The following KDELR1 variants were observed in gnomAD, a reference collection of about 807,000 sequenced individuals.
KDELR1 encodes ER lumen protein-retaining receptor 1.
A neutral mutation model predicts 25.5 loss-of-function variants in KDELR1; 16 were observed. The observed-to-expected ratio is 0.63, with a 90% confidence interval of 0.43 to 0.95. The LOEUF (loss-of-function observed/expected upper bound fraction) is 0.95, where lower values mean the gene tolerates loss of function less well. Among genes scored for constraint, KDELR1 ranks in the 40% least tolerant of loss-of-function variants. The probability of loss-of-function intolerance (pLI) is 0.00; values close to 1 mark genes in which losing one functional copy is unlikely to be tolerated. For synonymous variants in KDELR1, 121 were observed against 115.0 expected (o/e 1.05, Z -0.33); for missense variants, 159 against 265.2 (o/e 0.60, Z 2.78).
At chr19:48,389,384 CTGT>C in intron 3 of KDELR1, 166 bp downstream of exon 3, 1 of 692,302 alleles carries the variant, frequency 1.4e-6, no homozygotes, top group Admixed American at 2.6e-5. Flanking sequence ...AGTCTTGCTG[CTGT>C]TGTGTTAATT....
chr19:48,392,170 C>T (rs1227897554), upstream of KDELR1, among the ~76,000 whole-genome samples: 4 of 139,026 alleles, frequency 2.9e-5, no homozygotes, highest in African/African-American at 8.1e-5. Flanking sequence ...CCCAGGAGTC[C>T]AGGCCCCCAG....
upstream of KDELR1, chr19:48,391,630 C>T (rs1218164612): frequency 2.1e-6 from 1 of 478,582 alleles, no homozygotes; most frequent in Admixed American, 3.6e-5. Flanking sequence ...CCCGGCGCCC[C>T]CTATCGCCCA....
At chr19:48,393,852 C>T (rs1970595162), upstream of KDELR1, among the ~76,000 whole-genome samples, 1 of 151,882 alleles carries the variant, frequency 6.6e-6, no homozygotes, top group Admixed American at 6.6e-5. The surrounding 1 kb of genome is among the most constrained non-coding windows in gnomAD (Gnocchi z 5.6). Flanking sequence ...GTCTCTCGAG[C>T]GTCTGCCATC....
rs922967723 is a variant in KDELR1 at position 48,383,160 on chromosome 19, G to A, written c.*133C>T. ...ATCCTCCACTGTCCCCCTGAAACCC[G>A]GCAGGAGGCGGGATGGGGAGCACAA... On this transcript the variant is annotated 3_prime_UTR_variant, in exon 5 of 5. Transcript: ENST00000330720. 1.1e-5 allele frequency: 10 copies of A among 923,946 alleles called. No individual in the cohort carries two copies. Among genetic ancestry groups the A allele is most frequent in the Non-Finnish European group, 1.5e-5 (9 of 591,940 alleles). 57.2% of individuals were successfully genotyped at this position (923,946 alleles called of 1,614,324 possible).
At chr19:48,388,887 GA>G (rs1162029006) in intron 3 of KDELR1, among the ~76,000 whole-genome samples, 5 of 141,870 alleles carry the variant, frequency 3.5e-5, no homozygotes, top group African/African-American at 1.1e-4. Context: ...AAGGAAGAAA[GA>G]AAGGAAGGAA....
At chr19:48,390,735 C>T in intron 1 of KDELR1, 1 of 551,984 alleles carries the variant, frequency 1.8e-6, no homozygotes, top group Non-Finnish European at 3.2e-6. Context: ...CTGAGCAGGG[C>T]CCTTTCCCAC....
At chr19:48,387,127 C>A (rs1019694349) in intron 3 of KDELR1, among the ~76,000 whole-genome samples, 1 of 151,582 alleles carries the variant, frequency 6.6e-6, no homozygotes, top group East Asian at 1.9e-4. Flanking sequence ...TTCAGCAAGC[C>A]GCACTACCTC....
At chr19:48,389,501 C>A in intron 3 of KDELR1, 52 bp downstream of exon 3, 1 of 1,605,936 alleles carries the variant, frequency 6.2e-7, no homozygotes. Flanking sequence ...CCTGTCATAG[C>A]TACTCTGCCA....
At chr19:48,392,772 C>CCA (rs199533353), upstream of KDELR1, among the ~76,000 whole-genome samples, 5 of 151,884 alleles carry the variant, frequency 3.3e-5, no homozygotes, top group Admixed American at 6.6e-5. Flanking sequence ...TCTGCCCTGC[C>CCA]CACACACACA....
chr19:48,397,000 C>T, the KDELR1 span, among the ~76,000 whole-genome samples: 1 of 152,128 alleles, frequency 6.6e-6, no homozygotes, highest in Non-Finnish European at 1.5e-5. Flanking sequence ...CCCAACCACC[C>T]CAGGCGGCTA....
Position 48,391,546 on chromosome 19 carries a change from G to C in KDELR1, c.-188C>G. The stretch of plus-strand genomic sequence containing the variant: ...TGGAGCTGGCGGCGGAGCTGGAGCC[G>C]GGAAGAGGGAGGAGAGCGAGAGGGG... On this transcript the variant is annotated 5_prime_UTR_variant, in exon 1 of 5. Coordinates refer to ENST00000330720, the MANE Select transcript of KDELR1 (RefSeq NM_006801.3). The C allele has an allele frequency of 5.1e-6, 3 of 587,806 alleles. No individual in the cohort carries two copies. The highest frequency in any genetic ancestry group is 1.9e-5 in the African/African-American group (1 of 53,586). The allele number at this position is 587,806 out of a possible 1,614,324, so 36.4% of individuals were successfully genotyped here. A position where few individuals can be genotyped will look rare whatever the true frequency, so the allele number is the denominator to read the frequency against.
Position 48,390,457 on chromosome 19 carries a change from G to A in KDELR1, c.159C>T (p.Thr53=), listed in dbSNP as rs760658497. Reference sequence around the variant, plus strand: ...ACGTGTTGTAGAGTGAGATGTAGTTGGTGAAGAGGTCCAGATATCGGGCAG... The same window carrying A: ...ACGTGTTGTAGAGTGAGATGTAGTTAGTGAAGAGGTCCAGATATCGGGCAG... ...VFTARYLDLF[T]NYISLYNTCM... is the part of the protein sequence containing the mutation. Residue 53 remains threonine, a synonymous_variant, in exon 2 of 5, where the codon ACC becomes ACT. Coordinates refer to ENST00000330720, the MANE Select transcript of KDELR1 (RefSeq NM_006801.3). 2.5e-6 allele frequency: 4 copies of A among 1,613,978 alleles called. No homozygotes were observed. In the South Asian group the frequency reaches 3.3e-5, roughly 13 times the overall value.
rs1970476492 is a variant in KDELR1, at chr19:48,384,128, C to A, written c.604+102G>T. The A allele has an allele frequency of 7.0e-7, 1 of 1,429,234 alleles. No homozygotes were observed. Among genetic ancestry groups the A allele is most frequent in the Admixed American group, 2.1e-5 (1 of 48,038 alleles). 88.5% of individuals were successfully genotyped at this position (1,429,234 alleles called of 1,614,324 possible). The stretch of plus-strand genomic sequence containing the variant: ...CCAGAAACCCGGCGAAGAAATGCTC[C>A]CTTCTTTGCATAATACAGGGGTAAG... On this transcript the variant is annotated intron_variant, in intron 4 of 4. Coordinates refer to ENST00000330720, the MANE Select transcript of KDELR1 (RefSeq NM_006801.3). The surrounding 1 kb of genome is among the most constrained non-coding windows in gnomAD (Gnocchi z 4.6).
intron 3 of KDELR1, 73 bp downstream of exon 3, chr19:48,389,480 T>G: frequency 6.4e-7 from 1 of 1,572,192 alleles, no homozygotes; most frequent in Non-Finnish European, 8.7e-7. Context: ...AGGAAGCCTG[T>G]GAGAGGGTCT....
chr19:48,387,109 C>T (rs1970503600), intron 3 of KDELR1, among the ~76,000 whole-genome samples: 1 of 151,128 alleles, frequency 6.6e-6, no homozygotes, highest in Admixed American at 6.6e-5. Flanking sequence ...GGTCTGGCCT[C>T]CTCCACCTTC....
chr19:48,387,168 G>A (rs1970503983), intron 3 of KDELR1, among the ~76,000 whole-genome samples: 2 of 152,010 alleles, frequency 1.3e-5, no homozygotes, highest in Non-Finnish European at 2.9e-5. Flanking sequence ...TCTTCAAAAT[G>A]GGTCTAGTAA....
chr19:48,391,640 A>G (rs1375606106), upstream of KDELR1: 4 of 457,714 alleles, frequency 8.7e-6, no homozygotes, highest in Non-Finnish European at 1.6e-5. Context: ...CCTATCGCCC[A>G]CCTCCTGCTT....
At chr19:48,390,757 A>AG in intron 1 of KDELR1, 1 of 528,502 alleles carries the variant, frequency 1.9e-6, no homozygotes, top group Non-Finnish European at 3.4e-6. Flanking sequence ...GACCACAGCC[A>AG]GGGGGCAGCC....
chr19:48,384,038 CCTT>C lies in KDELR1; in HGVS notation c.604+189_604+191del, dbSNP rs1436387845. ...GACATGGGGGCTAAGGACAGAAACT[CCTT>C]AGCCCTTAGGGAGGCAGAGGCTAAC... On this transcript the variant is annotated intron_variant, in intron 4 of 4. Transcript: ENST00000330720. This position sits in a 1 kb window ranked among gnomAD's most constrained non-coding sequence, Gnocchi z 4.6. Among the ~76,000 whole-genome samples the C allele has an allele frequency of 6.6e-6, 1 of 152,212 alleles. No individual in the cohort carries two copies. The highest frequency in any genetic ancestry group is 2.4e-5 in the African/African-American group (1 of 41,448).
Sources: gnomAD v4.1 joint callset for allele counts (sites outside exome capture counted in the v4.1 genomes callset) on GRCh38, gnomAD v4.1.1 for gene constraint, Gnocchi (gnomAD v3.1) non-coding constraint, MANE v1.5 for transcripts, NCBI Gene and HGNC (gene_info 2026-07-23, HGNC 2026-07-21) for gene names.